PCDH15: variants seen among roughly 807,000 people sequenced by gnomAD.
The protein encoded by PCDH15 is protocadherin-15.
Under a neutral mutation model 178.5 loss-of-function variants are expected in PCDH15, and 129 were observed. That is an observed-to-expected ratio of 0.72 (90% CI 0.63 to 0.84). The LOEUF is 0.84. PCDH15 is among the 40% of genes least tolerant of loss of function. The probability of loss-of-function intolerance (pLI) is 0.00; values close to 1 mark genes in which losing one functional copy is unlikely to be tolerated. For missense variants in PCDH15, 2,230 were observed against 2,099.9 expected, an observed-to-expected ratio of 1.06 and a Z score of -1.21; for synonymous variants, 800 against 732.0, an observed-to-expected ratio of 1.09 and a Z score of -1.50.
intron 3 of PCDH15, among the ~76,000 whole-genome samples, chr10:54,438,268 CT>C (rs1039826987): frequency 0.23 from 21,718 of 93,942 alleles, 1,803 homozygotes; most frequent in Middle Eastern, 0.28. Context: ...AAGAGAAAAG[CT>C]TTTTTTTTTT....
chr10:55,606,445 C>G (rs1007568121), intron 2 of PCDH15, among the ~76,000 whole-genome samples: 48 of 151,484 alleles, frequency 3.2e-4, no homozygotes, highest in African/African-American at 1.0e-3. Flanking sequence ...CCAAGTCAAC[C>G]ATAAGCCAAA....
chr10:54,369,136 T>C lies in PCDH15; in HGVS notation c.458A>G (p.Tyr153Cys), dbSNP rs200597173. ...GAAACTGACCTCATTCACTGTGGCA[T>C]AGTAGCTTTCATGCTTGAAAGTGGG... ...NSPTFKHESY[Y>C]ATVNELTPVG... Residue 153 changes from tyrosine (Y) to cysteine (C), a missense_variant, in exon 5 of 38, where the codon TAT (tyrosine) becomes TGT (cysteine). By Grantham distance (194) the Tyr-to-Cys change is radical. Transcript: ENST00000644397. 35 of 1,612,824 alleles carry C rather than the reference T, an allele frequency of 2.2e-5. No homozygotes were observed. Among genetic ancestry groups the C allele is most frequent in the Non-Finnish European group, 3.0e-5 (35 of 1,179,326 alleles).
At chr10:54,395,541 A>G (rs1457185232) in intron 3 of PCDH15, among the ~76,000 whole-genome samples, 2 of 151,894 alleles carry the variant, frequency 1.3e-5, no homozygotes, top group African/African-American at 4.8e-5. Context: ...TAACATAGTC[A>G]TTTAGATATA....
intron 2 of PCDH15, among the ~76,000 whole-genome samples, chr10:54,947,216 C>T (rs1043767329): frequency 6.6e-6 from 1 of 151,852 alleles, no homozygotes; most frequent in Admixed American, 6.6e-5. Flanking sequence ...CAGCACTGTG[C>T]TATTAAGGTT....
intron 8 of PCDH15, among the ~76,000 whole-genome samples, chr10:54,295,370 A>G (rs931433140): frequency 6.6e-6 from 1 of 152,180 alleles, no homozygotes; most frequent in African/African-American, 2.4e-5. Context: ...GGGCCAAATA[A>G]GGGAATAAAA....
At chr10:55,307,031 G>C (rs1027319571) in intron 1 of PCDH15, among the ~76,000 whole-genome samples, 2 of 151,220 alleles carry the variant, frequency 1.3e-5, no homozygotes, top group South Asian at 4.2e-4. Context: ...GCTTCCTAAA[G>C]GAATAATTGT....
intron 26 of PCDH15, among the ~76,000 whole-genome samples, chr10:53,899,589 A>T (rs75062323): frequency 0.012 from 1,787 of 152,290 alleles, 29 homozygotes; most frequent in African/African-American, 0.037. Flanking sequence ...GGACCAAAAA[A>T]AATTAACTTG....
chr10:54,468,023 T>A (rs1231970787), intron 3 of PCDH15, among the ~76,000 whole-genome samples: 1 of 152,016 alleles, frequency 6.6e-6, no homozygotes, highest in African/African-American at 2.4e-5. Context: ...GTCTCCATTT[T>A]TCTGATTTAT....
At chr10:55,496,540 A>G (rs1840538228) in intron 2 of PCDH15, among the ~76,000 whole-genome samples, 1 of 151,872 alleles carries the variant, frequency 6.6e-6, no homozygotes, top group Non-Finnish European at 1.5e-5. Context: ...GAAAATAGGA[A>G]CCACGTTTTT....
At chr10:54,804,755 T>C (rs923369266), upstream of PCDH15, among the ~76,000 whole-genome samples, 2 of 151,456 alleles carry the variant, frequency 1.3e-5, no homozygotes, top group Non-Finnish European at 1.5e-5. Context: ...TGCCAAAAAT[T>C]AGCTACATCC....
chr10:54,563,945 G>A (rs2088606153), intron 2 of PCDH15, among the ~76,000 whole-genome samples: 1 of 152,106 alleles, frequency 6.6e-6, no homozygotes, highest in Non-Finnish European at 1.5e-5. Flanking sequence ...AAAAATAATA[G>A]TGCATAAAAG....
At chr10:55,069,333 T>A (rs1841658897) in intron 2 of PCDH15, among the ~76,000 whole-genome samples, 2 of 150,452 alleles carry the variant, frequency 1.3e-5, no homozygotes, top group Admixed American at 6.7e-5. Context: ...ATGTGCAGGT[T>A]ACTTACATAT....
chr10:54,554,112 A>G (rs756228303), intron 2 of PCDH15, among the ~76,000 whole-genome samples: 9 of 152,142 alleles, frequency 5.9e-5, no homozygotes, highest in Non-Finnish European at 8.8e-5. Flanking sequence ...TTCCTATTAC[A>G]ATGTGAACTT....
At chr10:54,081,860 G>T (rs1454253379) in intron 16 of PCDH15, among the ~76,000 whole-genome samples, 1 of 152,122 alleles carries the variant, frequency 6.6e-6, no homozygotes, top group African/African-American at 2.4e-5. Context: ...AGCCCCAAGA[G>T]ATGGTCTCGC....
rs561882930 is a variant in PCDH15 at position 54,404,278 on chromosome 10, G to T, written c.158-25336C>A. Reference sequence around the variant, plus strand: ...CTACCCAACTTCAAATTATACTACAGGGCTACAGTAACCAAAACAGCATGG... The same window carrying T: ...CTACCCAACTTCAAATTATACTACATGGCTACAGTAACCAAAACAGCATGG... On this transcript the variant is annotated intron_variant, in intron 3 of 37. Transcript: ENST00000644397. Among the ~76,000 whole-genome samples the T allele has an allele frequency of 3.7e-4, 56 of 151,910 alleles. No homozygotes were observed. The South Asian group carries it at 0.011, about 30-fold the overall frequency.
intron 25 of PCDH15, among the ~76,000 whole-genome samples, chr10:53,926,289 A>G (rs1036146443): frequency 1.3e-5 from 2 of 152,242 alleles, no homozygotes; most frequent in African/African-American, 2.4e-5. Flanking sequence ...AAACAAAACA[A>G]AAAACTGCAA....
chr10:54,567,753 G>A (rs1032444768), intron 2 of PCDH15, among the ~76,000 whole-genome samples: 6 of 152,046 alleles, frequency 3.9e-5, no homozygotes, highest in Non-Finnish European at 5.9e-5. Context: ...TTTTGAGAGG[G>A]AGTGATAATA....
chr10:55,424,425 G>T (rs73259639), intron 2 of PCDH15, among the ~76,000 whole-genome samples: 1 of 152,050 alleles, frequency 6.6e-6, no homozygotes, highest in South Asian at 2.1e-4. Context: ...TTCTGTCCTG[G>T]TCTTACACTA....
At chr10:55,378,463 C>T (rs1267939299) in intron 2 of PCDH15, among the ~76,000 whole-genome samples, 1 of 152,046 alleles carries the variant, frequency 6.6e-6, no homozygotes, top group Non-Finnish European at 1.5e-5. Flanking sequence ...TATATATCCC[C>T]TTAAAAGGAA....
Sources: allele counts gnomAD v4.1 joint callset (sites outside exome capture counted in the v4.1 genomes callset), GRCh38; gene constraint gnomAD v4.1.1; transcripts MANE v1.5; gene names NCBI Gene and HGNC (gene_info 2026-07-23, HGNC 2026-07-21).